Variants in CCDC171 observed in about 807,000 individuals in gnomAD.
CCDC171 encodes the protein coiled-coil domain containing 171.
Under a neutral mutation model 168.2 loss-of-function variants are expected in CCDC171, and 177 were observed. That is an observed-to-expected ratio of 1.05 (90% confidence interval 0.93 to 1.19). CCDC171 has a LOEUF of 1.19. Among genes scored for constraint, CCDC171 ranks in the 50% most tolerant of loss-of-function variants. CCDC171 has a pLI of 0.00. For synonymous variants in CCDC171, 687 were observed against 540.8 expected, an observed-to-expected ratio of 1.27 and a Z score of -3.75; for missense variants, 1,991 against 1,539.0, an observed-to-expected ratio of 1.29 and a Z score of -4.91.
chr9:15,584,030 C>G (rs2041356766), intron 4 of CCDC171, among the ~76,000 whole-genome samples: 1 of 152,122 alleles, frequency 6.6e-6, no homozygotes, highest in Non-Finnish European at 1.5e-5. Context: ...CCACGCCCGG[C>G]TAATTTTCTT....
intron 23 of CCDC171, among the ~76,000 whole-genome samples, chr9:15,861,202 G>A (rs764454740): frequency 1.9e-4 from 23 of 118,474 alleles, no homozygotes; most frequent in Non-Finnish European, 3.8e-4. Context: ...CTCATAGACA[G>A]CGTATAGTTG....
In CCDC171 at chr9:15,777,782, A is replaced by C. The variant is rs374744299; in HGVS notation, c.2854A>C (p.Thr952Pro). The change falls in exon 19 of 26, where the codon ACA becomes CCA. Residue 952 changes from threonine (T) to proline (P), a missense_variant. Transcript: ENST00000380701. ...GGCCCATGGACTTCATAAAGTAAACACACTGGCCCTGAAATATGGTTTGCG... is the reference window on the plus strand; with the variant it reads ...GGCCCATGGACTTCATAAAGTAAACCCACTGGCCCTGAAATATGGTTTGCG... The part of the protein sequence containing the change: ...RLAHGLHKVN[T>P]LALKYGLRGH... 2.5e-6 allele frequency: 4 copies of C among 1,613,236 alleles called. No homozygotes were observed. Among genetic ancestry groups the C allele is most frequent in the Non-Finnish European group, 3.4e-6 (4 of 1,179,820 alleles).
At chr9:16,004,278 A>T (rs1402383199) in intron 3 of CCDC171, among the ~76,000 whole-genome samples, 1 of 152,192 alleles carries the variant, frequency 6.6e-6, no homozygotes. Context: ...TGAAATGGAG[A>T]TTTTAACTAG....
At chr9:15,658,218 T>G (rs2132977031) in intron 8 of CCDC171, among the ~76,000 whole-genome samples, 1 of 152,338 alleles carries the variant, frequency 6.6e-6, no homozygotes, top group South Asian at 2.1e-4. Context: ...GAAGGCATGA[T>G]GAAGACTAAT....
chr9:15,803,548 GT>G (rs1457374353), intron 21 of CCDC171, among the ~76,000 whole-genome samples: 3 of 151,842 alleles, frequency 2.0e-5, no homozygotes, highest in African/African-American at 7.3e-5. Flanking sequence ...TTTTTGTCAG[GT>G]TTGTCAAAGA....
chr9:16,068,488 C>G, the CCDC171 span, among the ~76,000 whole-genome samples: 1 of 152,212 alleles, frequency 6.6e-6, no homozygotes, highest in Admixed American at 6.5e-5. Flanking sequence ...CCTGCTTGCT[C>G]TCTTCAGTAT....
chr9:15,759,527 T>A (rs1042885125), intron 18 of CCDC171, among the ~76,000 whole-genome samples: 4 of 152,216 alleles, frequency 2.6e-5, no homozygotes, highest in Non-Finnish European at 4.4e-5. Context: ...TTTAGAATTA[T>A]GTGTTGCATT....
chr9:15,653,944 C>G (rs2047726247), intron 7 of CCDC171, among the ~76,000 whole-genome samples: 1 of 152,066 alleles, frequency 6.6e-6, no homozygotes, highest in South Asian at 2.1e-4. Flanking sequence ...CATTATCACA[C>G]CTAAAAAGTA....
chr9:15,667,112 A>G (rs1254689465), intron 9 of CCDC171, among the ~76,000 whole-genome samples: 2 of 152,190 alleles, frequency 1.3e-5, no homozygotes, highest in African/African-American at 4.8e-5. Context: ...AAAGCCTTTC[A>G]TCTTCAAAAT....
At chr9:15,781,161 AC>A (rs1161320011) in intron 20 of CCDC171, among the ~76,000 whole-genome samples, 1 of 152,210 alleles carries the variant, frequency 6.6e-6, no homozygotes, top group African/African-American at 2.4e-5. Context: ...TAAATATTCT[AC>A]ACAATTTGAT....
At chr9:15,571,165 A>T (rs577589563) in intron 2 of CCDC171, among the ~76,000 whole-genome samples, 37 of 152,132 alleles carry the variant, frequency 2.4e-4, no homozygotes, top group Non-Finnish European at 5.1e-4. Context: ...TTGTGAGTTT[A>T]TACCTCTAAA....
intron 1 of CCDC171, among the ~76,000 whole-genome samples, chr9:16,048,429 G>A (rs1478427269): frequency 9.9e-5 from 15 of 152,232 alleles, no homozygotes; most frequent in Admixed American, 9.8e-4. Context: ...GGCACCAGGT[G>A]AAGTGGGGCC....
intron 4 of CCDC171, among the ~76,000 whole-genome samples, chr9:15,590,747 G>T (rs2041916344): frequency 7.2e-6 from 1 of 139,220 alleles, no homozygotes; most frequent in Admixed American, 7.5e-5. Context: ...CTTAAAAATA[G>T]ATTTTTTTCT....
chr9:15,704,848 G>A (rs1203473053), intron 11 of CCDC171, among the ~76,000 whole-genome samples: 1 of 152,032 alleles, frequency 6.6e-6, no homozygotes, highest in East Asian at 1.9e-4. Context: ...TTTACACCTT[G>A]TTTCCTAATG....
intron 21 of CCDC171, among the ~76,000 whole-genome samples, chr9:15,812,142 C>T (rs562325201): frequency 1.3e-5 from 2 of 152,142 alleles, no homozygotes; most frequent in East Asian, 1.9e-4. Context: ...ATAAAAGGGA[C>T]GAGAGAGAGT....
At chr9:15,921,620 A>G (rs1825337874) in intron 25 of CCDC171, among the ~76,000 whole-genome samples, 1 of 151,618 alleles carries the variant, frequency 6.6e-6, no homozygotes, top group Non-Finnish European at 1.5e-5. Flanking sequence ...TTATTGAGTG[A>G]AAAGTACGAG....
intron 24 of CCDC171, among the ~76,000 whole-genome samples, chr9:15,883,685 T>C (rs1327968822): frequency 6.6e-6 from 1 of 152,232 alleles, no homozygotes; most frequent in African/African-American, 2.4e-5. Context: ...AAGAATCTTA[T>C]AACTTTGTAC....
chr9:15,643,320 T>G (rs12552980), intron 7 of CCDC171, among the ~76,000 whole-genome samples: 2,795 of 152,236 alleles, frequency 0.018, 153 homozygotes, highest in Admixed American at 0.11. Flanking sequence ...TATACTTTCT[T>G]AAAGAAAAAA....
At chr9:15,813,868 G>A (rs2059456167) in intron 21 of CCDC171, among the ~76,000 whole-genome samples, 1 of 152,118 alleles carries the variant, frequency 6.6e-6, no homozygotes, top group African/African-American at 2.4e-5. Context: ...TCTAGTTCTG[G>A]TGCACACACA....
Sources: gnomAD v4.1 joint callset for allele counts (sites outside exome capture counted in the v4.1 genomes callset) on GRCh38, gnomAD v4.1.1 for gene constraint, MANE v1.5 for transcripts, NCBI Gene and HGNC (gene_info 2026-07-23, HGNC 2026-07-21) for gene names.